Variants in CCDC7 observed in about 807,000 individuals in gnomAD.
CCDC7 encodes coiled-coil domain containing 7, also known as coiled-coil domain-containing protein 7.
In CCDC7, 183 loss-of-function variants were observed where a neutral mutation model predicts 196.9. The ratio of observed to expected loss-of-function variants is 0.93; its 90% CI spans 0.82 to 1.05. CCDC7 has a LOEUF of 1.05. Ranked by LOEUF, CCDC7 falls within the 50% of genes least tolerant of loss-of-function variation. CCDC7 has a pLI of 0.00. For synonymous variants in CCDC7, 525 were observed against 484.6 expected (o/e 1.08, Z -1.10); for missense variants, 1,540 against 1,482.2 (o/e 1.04, Z -0.64).
intron 28 of CCDC7, among the ~76,000 whole-genome samples, chr10:32,767,763 G>A (rs560393143): frequency 6.6e-6 from 1 of 152,178 alleles, no homozygotes; most frequent in East Asian, 1.9e-4. Flanking sequence ...TCACCAAACT[G>A]ATTAAATAAG....
intron 24 of CCDC7, among the ~76,000 whole-genome samples, chr10:32,711,201 A>T (rs1186711428): frequency 1.3e-5 from 2 of 151,432 alleles, no homozygotes; most frequent in Non-Finnish European, 2.9e-5. Flanking sequence ...TATACATATA[A>T]CTGTGTGTGT....
At chr10:32,881,491 G>T (rs1360688898), downstream of CCDC7, among the ~76,000 whole-genome samples, 1 of 152,050 alleles carries the variant, frequency 6.6e-6, no homozygotes, top group Non-Finnish European at 1.5e-5. Flanking sequence ...TGAGATCTTG[G>T]TGCATGAAGC....
chr10:32,575,048 A>C (rs1333104779), intron 16 of CCDC7, among the ~76,000 whole-genome samples: 2 of 152,186 alleles, frequency 1.3e-5, no homozygotes, highest in East Asian at 3.8e-4. Context: ...AACAGGAGAG[A>C]CAAAAAATAA....
At chr10:32,598,681 AGTTTAAGAGCATGTT>A (rs1299401895) in intron 18 of CCDC7, among the ~76,000 whole-genome samples, 19 of 152,366 alleles carry the variant, frequency 1.2e-4, no homozygotes, top group African/African-American at 4.6e-4. Context: ...ACCCATTGGT[AGTTTAAGAGCATGTT>A]GTTTAAATTC....
intron 41 of CCDC7, among the ~76,000 whole-genome samples, chr10:32,867,965 G>A (rs2094267274): frequency 6.6e-6 from 1 of 151,692 alleles, no homozygotes; most frequent in Admixed American, 6.6e-5. Context: ...TCTACTTTTT[G>A]TCTCTATAAA....
chr10:32,622,731 A>T (rs1457861723), intron 18 of CCDC7, among the ~76,000 whole-genome samples: 1 of 152,112 alleles, frequency 6.6e-6, no homozygotes, highest in Non-Finnish European at 1.5e-5. Context: ...GAAAAATGTA[A>T]TTGAGCACCG....
chr10:32,629,653 A>G (rs1239967551), intron 18 of CCDC7, among the ~76,000 whole-genome samples: 1 of 152,106 alleles, frequency 6.6e-6, no homozygotes, highest in Non-Finnish European at 1.5e-5. Flanking sequence ...TTGCCTTTGA[A>G]GCAAGCCAGA....
In CCDC7 at chr10:32,869,384, T is replaced by C. The variant is rs1211203393; in HGVS notation, c.4112-6963T>C. On this transcript the variant is annotated intron_variant, in intron 41 of 41. Transcript: ENST00000639629. The stretch of plus-strand genomic sequence containing the variant: ...AATGTCTTCTTTTGAGAAGTGTCTG[T>C]TCATATCCTTCACCCACTTTTTGAT... Among the ~76,000 whole-genome samples, 3 of 152,354 alleles carry C rather than the reference T, an allele frequency of 2.0e-5. No individual in the cohort carries two copies. In the East Asian group the frequency reaches 5.8e-4, roughly 29 times the overall value.
chr10:32,868,336 C>G (rs1380111538), intron 41 of CCDC7, among the ~76,000 whole-genome samples: 1 of 151,970 alleles, frequency 6.6e-6, no homozygotes, highest in Non-Finnish European at 1.5e-5. Flanking sequence ...ACTCACCATA[C>G]TGTTTACCAC....
intron 24 of CCDC7, among the ~76,000 whole-genome samples, chr10:32,699,666 A>C (rs1020744186): frequency 6.7e-6 from 1 of 149,426 alleles, no homozygotes; most frequent in Admixed American, 6.6e-5. Flanking sequence ...TTACAGTCCC[A>C]CCAACAGTGT....
chr10:32,782,960 A>G (rs771504847), intron 29 of CCDC7, among the ~76,000 whole-genome samples: 9 of 152,256 alleles, frequency 5.9e-5, no homozygotes, highest in Non-Finnish European at 1.0e-4. Flanking sequence ...CAAACCAGAT[A>G]GTCACGTCAA....
intron 22 of CCDC7, among the ~76,000 whole-genome samples, chr10:32,687,765 T>C (rs1264692691): frequency 6.6e-6 from 1 of 152,152 alleles, no homozygotes; most frequent in East Asian, 1.9e-4. Flanking sequence ...AGCTGAGACT[T>C]CTGGGTAAAC....
At chr10:32,493,105 C>T (rs1229285523) in intron 9 of CCDC7, among the ~76,000 whole-genome samples, 1 of 151,714 alleles carries the variant, frequency 6.6e-6, no homozygotes, top group South Asian at 2.1e-4. Context: ...AAAAACTACT[C>T]TCTAGAAACT....
intron 19 of CCDC7, among the ~76,000 whole-genome samples, chr10:32,634,650 C>T (rs2065350298): frequency 6.6e-6 from 1 of 152,156 alleles, no homozygotes; most frequent in Admixed American, 6.6e-5. Context: ...CCACCTTGGC[C>T]TCCCAAAGTG....
At chr10:32,564,511 T>C (rs1210559347) in intron 13 of CCDC7, among the ~76,000 whole-genome samples, 1 of 152,058 alleles carries the variant, frequency 6.6e-6, no homozygotes, top group East Asian at 1.9e-4. Context: ...GGGACATGGA[T>C]GAAATTGGAA....
At position 32,741,754 on chromosome 10, in the gene CCDC7, T is replaced by G. The variant is rs1342365685; in HGVS notation, c.2905+12297T>G. ...CAACTGGTAATGTTTGTTTCATCAA[T>G]TATTGAAAGAATATGTTCAATTCTC... On this transcript the variant is annotated intron_variant, in intron 28 of 41. Coordinates refer to ENST00000639629, the Ensembl canonical transcript of CCDC7. 8.5e-5 allele frequency among the ~76,000 whole-genome samples: 13 copies of G among 152,258 alleles called. No homozygotes were observed. In the East Asian group the frequency reaches 2.1e-3, roughly 25 times the overall value.
intron 41 of CCDC7, among the ~76,000 whole-genome samples, chr10:32,857,179 A>C (rs549034138): frequency 2.6e-5 from 4 of 152,188 alleles, no homozygotes; most frequent in Non-Finnish European, 5.9e-5. Context: ...AATGAGAGCC[A>C]CTGCACTTTG....
At position 32,551,277 on chromosome 10, in the gene CCDC7, G is replaced by C. The variant is rs183209948; in HGVS notation, c.1134+6976G>C. Among the ~76,000 whole-genome samples, 51 of 151,990 alleles carry C rather than the reference G, an allele frequency of 3.4e-4. No individual in the cohort carries two copies. In the East Asian group the frequency reaches 9.1e-3, roughly 27 times the overall value. On this transcript the variant is annotated intron_variant, in intron 13 of 41. Transcript: ENST00000639629. ...GTTTTATTTCTTAGTGAGGTTTTTT[G>C]GATTTTCTCTCTTCTTTTCTCATTT...
chr10:32,679,469 A>T (rs1280398073), intron 21 of CCDC7, among the ~76,000 whole-genome samples: 1 of 152,132 alleles, frequency 6.6e-6, no homozygotes, highest in Non-Finnish European at 1.5e-5. Flanking sequence ...CTTTCTTGTA[A>T]CCCCATAGTT....
Sources: gnomAD v4.1 joint callset for allele counts (sites outside exome capture counted in the v4.1 genomes callset) on GRCh38, gnomAD v4.1.1 for gene constraint, MANE v1.5 for transcripts, NCBI Gene and HGNC (gene_info 2026-07-23, HGNC 2026-07-21) for gene names.